Variants in POLI observed in about 807,000 individuals in gnomAD.
POLI encodes DNA polymerase iota, also known as RAD30 homolog B.
POLI carries 58 observed loss-of-function variants against 51.6 expected under a neutral mutation model. The observed-to-expected ratio is 1.12, with a 90% CI of 0.91 to 1.40. POLI has a LOEUF of 1.40. Ranked by LOEUF, POLI falls within the 40% of genes most tolerant of loss-of-function variation. The probability of loss-of-function intolerance (pLI) is 0.00; values close to 1 mark genes in which losing one functional copy is unlikely to be tolerated. For missense variants in POLI, 921 were observed against 871.3 expected, an observed-to-expected ratio of 1.06 and a Z score of -0.72; for synonymous variants, 322 against 299.7, an observed-to-expected ratio of 1.07 and a Z score of -0.77.
Position 54,295,985 on chromosome 18 carries a change from C to A in POLI, c.*1518C>A. On this transcript the variant is annotated 3_prime_UTR_variant, in exon 10 of 10. Transcript: ENST00000579534. Reference sequence around the variant, plus strand: ...CTTGGAATTTGAAAATATGCTAACACGAAGGATTGTAAATAGGTAGTTTGA... The same window carrying A: ...CTTGGAATTTGAAAATATGCTAACAAGAAGGATTGTAAATAGGTAGTTTGA... The A allele has an allele frequency of 1.0e-6, 1 of 984,924 alleles. No individual in the cohort carries two copies. Among genetic ancestry groups the A allele is most frequent in the South Asian group, 4.7e-5 (1 of 21,270 alleles). 61.0% of individuals were successfully genotyped at this position (984,924 alleles called of 1,614,324 possible).
rs1599250000 is a variant in POLI, at chr18:54,294,494, G to A, written c.*27G>A. ...CATATTCAGCAAAAAGGTCTGAAAA[G>A]CAAGGGAATACCATTATTTTCGGAT... On this transcript the variant is annotated 3_prime_UTR_variant, in exon 10 of 10. Coordinates refer to ENST00000579534, the MANE Select transcript of POLI (RefSeq NM_007195.3). 8.4e-6 allele frequency: 13 copies of A among 1,548,142 alleles called. No individual in the cohort carries two copies. Among genetic ancestry groups the A allele is most frequent in the Admixed American group, 2.1e-5 (1 of 48,550 alleles).
intron 3 of POLI, among the ~76,000 whole-genome samples, chr18:54,315,201 C>T (rs2088718247): frequency 6.6e-6 from 1 of 152,096 alleles, no homozygotes; most frequent in African/African-American, 2.4e-5. Flanking sequence ...GGATATCTGC[C>T]TTACTTTCAT....
At chr18:54,320,797 G>C (rs2088779880) in intron 4 of POLI, among the ~76,000 whole-genome samples, 1 of 149,304 alleles carries the variant, frequency 6.7e-6, no homozygotes, top group Non-Finnish European at 1.5e-5. Flanking sequence ...TTTTGGCTTG[G>C]ATAGGCTTTT....
At chr18:54,302,740 A>G (rs2088514268), downstream of POLI, among the ~76,000 whole-genome samples, 1 of 152,128 alleles carries the variant, frequency 6.6e-6, no homozygotes, top group Non-Finnish European at 1.5e-5. Flanking sequence ...TTTTGTACCC[A>G]TTAACTATCC....
chr18:54,269,526 G>A lies in POLI; in HGVS notation c.-21G>A, dbSNP rs201453585. The A allele has an allele frequency of 1.8e-5, 27 of 1,506,814 alleles. No individual in the cohort carries two copies. Among genetic ancestry groups the A allele is most frequent in the Non-Finnish European group, 2.3e-5 (26 of 1,131,972 alleles). The allele number at this position is 1,506,814 out of a possible 1,614,324, so 93.3% of individuals were successfully genotyped here. A position where few individuals can be genotyped will look rare whatever the true frequency, so the allele number is the denominator to read the frequency against. On this transcript the variant is annotated 5_prime_UTR_variant, in exon 1 of 10. Coordinates refer to ENST00000579534, the MANE Select transcript of POLI (RefSeq NM_007195.3). ...CCAGGCGGAAGCGGCCGGAAGTAGC[G>A]CTGCGGTTGGCAGCGGCGGGATGGA...
At chr18:54,289,986 A>G (rs1314887577) in intron 8 of POLI, among the ~76,000 whole-genome samples, 1 of 152,350 alleles carries the variant, frequency 6.6e-6, no homozygotes, top group African/African-American at 2.4e-5. Context: ...ATGGGACCTA[A>G]TTAAACTAAA....
rs1304465063 is a variant in POLI at position 54,274,035 on chromosome 18, A to G, written c.351A>G (p.Val117=). ...CAAAAGAAAAGTGTCCACAGTTGGT[A>G]TTAGTTAATGGAGAAGACCTGACCC... ...RDAKEKCPQL[V]LVNGEDLTRY... is the part of the protein sequence containing the mutation. Residue 117 remains valine, a synonymous_variant, in exon 3 of 10, where the codon GTA becomes GTG. Coordinates refer to ENST00000579534, the MANE Select transcript of POLI (RefSeq NM_007195.3). The G allele has an allele frequency of 8.9e-6, 14 of 1,567,432 alleles. No individual in the cohort carries two copies. Among genetic ancestry groups the G allele is most frequent in the Non-Finnish European group, 1.2e-5 (14 of 1,154,998 alleles).
In POLI at chr18:54,296,989, C is replaced by T; in HGVS notation, c.*2522C>T. The T allele has an allele frequency of 2.0e-6, 2 of 985,204 alleles. No homozygotes were observed. Among genetic ancestry groups the T allele is most frequent in the Non-Finnish European group, 2.4e-6 (2 of 829,788 alleles). The allele number at this position is 985,204 out of a possible 1,614,324, so 61.0% of individuals were successfully genotyped here. Reference sequence around the variant, plus strand: ...GTTAATCTGCGAGAAGACAGAGGGCCTAAATTGTGTATGTTTTCCTTCAGT... The same window carrying T: ...GTTAATCTGCGAGAAGACAGAGGGCTTAAATTGTGTATGTTTTCCTTCAGT... On this transcript the variant is annotated 3_prime_UTR_variant, in exon 10 of 10. Transcript: ENST00000579534.
intron 5 of POLI, 95 bp downstream of exon 5, chr18:54,280,998 A>G (rs1247445974): frequency 1.7e-5 from 12 of 696,274 alleles, no homozygotes; most frequent in Admixed American, 5.9e-5. Flanking sequence ...TCTTAGGTAG[A>G]GTTGTCTGTG....
At chr18:54,299,623 A>C (rs2088457202), downstream of POLI, among the ~76,000 whole-genome samples, 1 of 152,206 alleles carries the variant, frequency 6.6e-6, no homozygotes, top group South Asian at 2.1e-4. Context: ...AGCATCTGTG[A>C]GCTATGAGAC....
intron 3 of POLI, among the ~76,000 whole-genome samples, chr18:54,317,489 A>C (rs2088749191): frequency 6.6e-6 from 1 of 152,216 alleles, no homozygotes; most frequent in African/African-American, 2.4e-5. Flanking sequence ...TTAGTGAAAA[A>C]CAAACTAATT....
At chr18:54,290,931 C>T (rs928721289) in intron 8 of POLI, among the ~76,000 whole-genome samples, 1 of 152,096 alleles carries the variant, frequency 6.6e-6, no homozygotes, top group Non-Finnish European at 1.5e-5. Context: ...ACCTATGTAA[C>T]AAATCTGCAC....
chr18:54,292,332 C>T (rs2088060128), intron 9 of POLI, among the ~76,000 whole-genome samples: 1 of 152,090 alleles, frequency 6.6e-6, no homozygotes, highest in African/African-American at 2.4e-5. Context: ...GATGGATTAG[C>T]TCATAAGTAT....
chr18:54,294,666 A>C lies in POLI; in HGVS notation c.*199A>C. ...AACAGAAGAAATAATGTAAAATACTATCTTTTATGTCTAAAGCCATTTTAT... is the reference window on the plus strand; with the variant it reads ...AACAGAAGAAATAATGTAAAATACTCTCTTTTATGTCTAAAGCCATTTTAT... On this transcript the variant is annotated 3_prime_UTR_variant, in exon 10 of 10. Coordinates refer to ENST00000579534, the MANE Select transcript of POLI (RefSeq NM_007195.3). 3 of 1,227,500 alleles carry C rather than the reference A, an allele frequency of 2.4e-6. No homozygotes were observed. Among genetic ancestry groups the C allele is most frequent in the Non-Finnish European group, 3.1e-6 (3 of 979,994 alleles). The allele number at this position is 1,227,500 out of a possible 1,614,324, so 76.0% of individuals were successfully genotyped here.
chr18:54,304,685 C>T (rs1039384075), intron 3 of POLI, among the ~76,000 whole-genome samples: 1 of 152,022 alleles, frequency 6.6e-6, no homozygotes, highest in African/African-American at 2.4e-5. Flanking sequence ...GGGTAGATTG[C>T]AAAAATTTTC....
Position 54,292,015 on chromosome 18 carries a change from T to A in POLI, c.1381T>A (p.Ser461Thr), listed in dbSNP as rs1568141481. ...TTTAATGCCATCATTATCAACTACT[T>A]CACGCTCTGGCAAGCACAGTTTTGT... The part of the protein sequence containing the change: ...YYLMPSLSTT[S>T]RSGKHSFKMK... Residue 461 changes from serine to threonine, a missense_variant, in exon 9 of 10, where the codon TCA becomes ACA. By Grantham distance (58) the Ser-to-Thr change is moderately conservative (BLOSUM62 1). Transcript: ENST00000579534. The A allele has an allele frequency of 7.5e-6, 12 of 1,606,396 alleles. No homozygotes were observed. Among genetic ancestry groups the A allele is most frequent in the Admixed American group, 1.7e-5 (1 of 59,766 alleles).
intron 5 of POLI, among the ~76,000 whole-genome samples, chr18:54,281,501 T>C (rs902487992): frequency 6.6e-6 from 1 of 152,198 alleles, no homozygotes; most frequent in African/African-American, 2.4e-5. Context: ...AAGAGTTCTG[T>C]GGAAGTGAAT....
Position 54,273,988 on chromosome 18 carries a change from A to G in POLI, c.304A>G (p.Lys102Glu), listed in dbSNP as rs774685817. The change falls in exon 3 of 10, where the codon AAA becomes GAA. Residue 102 changes from lysine to glutamate, a missense_variant. Lys to Glu is a moderately conservative substitution (Grantham distance 56). Coordinates refer to ENST00000579534, the MANE Select transcript of POLI (RefSeq NM_007195.3). ...NYEARKLGVK[K>E]LMNVRDAKEK... is the part of the protein sequence containing the mutation. ...TGAAGCTAGGAAACTTGGAGTTAAG[A>G]AACTTATGAATGTCAGAGATGCAAA... The G allele has an allele frequency of 1.9e-6, 3 of 1,584,062 alleles. No homozygotes were observed. Among genetic ancestry groups the G allele is most frequent in the Non-Finnish European group, 2.6e-6 (3 of 1,163,472 alleles).
chr18:54,319,550 A>G (rs2088770683), intron 3 of POLI, among the ~76,000 whole-genome samples: 1 of 152,210 alleles, frequency 6.6e-6, no homozygotes, highest in Non-Finnish European at 1.5e-5. Flanking sequence ...GATAAGATTT[A>G]TAGAAAAATC....
Sources: gnomAD v4.1 joint callset for allele counts (sites outside exome capture counted in the v4.1 genomes callset) on GRCh38, gnomAD v4.1.1 for gene constraint, MANE v1.5 for transcripts, NCBI Gene and HGNC (gene_info 2026-07-23, HGNC 2026-07-21) for gene names.